The following KIAA1328 variants were observed in gnomAD, a reference collection of about 807,000 sequenced individuals.
The protein encoded by KIAA1328 is KIAA1328, also known as protein hinderin.
Under a neutral mutation model 68.1 loss-of-function variants are expected in KIAA1328, and 52 were observed. The observed-to-expected ratio is 0.76, with a 90% CI of 0.61 to 0.96. The LOEUF (loss-of-function observed/expected upper bound fraction) is 0.96. Among genes scored for constraint, KIAA1328 ranks in the 40% least tolerant of loss-of-function variants. The pLI, the probability that KIAA1328 is intolerant of heterozygous loss-of-function variation, is 0.00. For missense variants in KIAA1328, 641 were observed against 677.6 expected, an observed-to-expected ratio of 0.95 and a Z score of 0.60; for synonymous variants, 232 against 239.4, an observed-to-expected ratio of 0.97 and a Z score of 0.28.
At chr18:36,985,122 C>A (rs1347360437) in intron 6 of KIAA1328, among the ~76,000 whole-genome samples, 4 of 151,696 alleles carry the variant, frequency 2.6e-5, no homozygotes, top group Non-Finnish European at 5.9e-5. Context: ...AGCAAGACAG[C>A]CAGACCCTTT....
intron 4 of KIAA1328, among the ~76,000 whole-genome samples, chr18:36,878,917 A>T (rs1195949049): frequency 6.6e-6 from 1 of 152,184 alleles, no homozygotes; most frequent in Non-Finnish European, 1.5e-5. Flanking sequence ...CAGTTCCTGT[A>T]ACCTTTTATC....
At chr18:37,229,583 G>A, downstream of KIAA1328, 1 of 1,277,112 alleles carries the variant, frequency 7.8e-7, no homozygotes, top group Non-Finnish European at 1.0e-6. Context: ...TCTTCAAGAA[G>A]TATCAAGTCC....
chr18:37,078,007 G>A (rs2056807147), intron 7 of KIAA1328, among the ~76,000 whole-genome samples: 1 of 152,126 alleles, frequency 6.6e-6, no homozygotes, highest in African/African-American at 2.4e-5. Context: ...CCAAAAAAGA[G>A]CCCACATTGC....
chr18:37,216,557 G>A (rs1337171424), intron 9 of KIAA1328, among the ~76,000 whole-genome samples: 3 of 152,264 alleles, frequency 2.0e-5, no homozygotes, highest in Non-Finnish European at 4.4e-5. Context: ...TAACTATGTG[G>A]TCAGTTTTGG....
At chr18:36,979,767 A>G (rs554508636) in intron 6 of KIAA1328, among the ~76,000 whole-genome samples, 9 of 152,136 alleles carry the variant, frequency 5.9e-5, no homozygotes, top group Non-Finnish European at 1.2e-4. Context: ...CTCAACCCAC[A>G]TGTCACAGAT....
chr18:36,908,952 C>T lies in KIAA1328; in HGVS notation c.448+23280C>T, dbSNP rs181328540. Among the ~76,000 whole-genome samples, 28 of 152,212 alleles carry T rather than the reference C, an allele frequency of 1.8e-4. No individual in the cohort carries two copies. The East Asian group carries it at 5.4e-3, about 29-fold the overall frequency. ...TTGGAGTAAGCTTTCTTATCCTAGG[C>T]TTACTTAGTAGTGCCAGAATTGAAT... On this transcript the variant is annotated intron_variant, in intron 5 of 9. Transcript: ENST00000280020.
chr18:37,047,686 G>A lies in KIAA1328; in HGVS notation c.577-19204G>A, dbSNP rs975206014. ...GCTATGAAACTTTTTCAACTTCCTT[G>A]CCCTCACTAAAGGCAAAACTAATTC... On this transcript the variant is annotated intron_variant, in intron 6 of 9. Transcript: ENST00000280020. Among the ~76,000 whole-genome samples, 8 of 152,126 alleles carry A rather than the reference G, an allele frequency of 5.3e-5. No homozygotes were observed. The East Asian group carries it at 1.2e-3, about 22-fold the overall frequency.
intron 5 of KIAA1328, chr18:36,885,891 A>G (rs2048484591): frequency 4.0e-6 from 2 of 498,750 alleles, no homozygotes; most frequent in Admixed American, 3.9e-5. Context: ...TAATTTTCGT[A>G]TTTTTAGTAG....
At chr18:36,989,631 G>A (rs1230205615) in intron 6 of KIAA1328, among the ~76,000 whole-genome samples, 1 of 152,196 alleles carries the variant, frequency 6.6e-6, no homozygotes, top group Admixed American at 6.5e-5. Flanking sequence ...GTGCCCATGA[G>A]CCAAGGAAGA....
chr18:36,934,580 G>A (rs911874846), intron 5 of KIAA1328, among the ~76,000 whole-genome samples: 2 of 152,042 alleles, frequency 1.3e-5, no homozygotes, highest in Non-Finnish European at 2.9e-5. Context: ...TTGTCCTTGC[G>A]ATAGTTTACT....
intron 5 of KIAA1328, among the ~76,000 whole-genome samples, chr18:36,916,814 A>G (rs898800517): frequency 4.0e-5 from 6 of 151,808 alleles, no homozygotes; most frequent in African/African-American, 9.7e-5. Flanking sequence ...GAGTCTCGCT[A>G]TGTTGCCCTT....
chr18:37,008,472 A>G (rs2053859129), intron 6 of KIAA1328, among the ~76,000 whole-genome samples: 2 of 152,230 alleles, frequency 1.3e-5, no homozygotes, highest in South Asian at 4.1e-4. Flanking sequence ...GCAACATAAC[A>G]TTTTAAATGT....
At chr18:37,025,580 C>T (rs1161694894) in intron 6 of KIAA1328, among the ~76,000 whole-genome samples, 5 of 152,276 alleles carry the variant, frequency 3.3e-5, no homozygotes, top group Non-Finnish European at 7.4e-5. Flanking sequence ...CACTCAAAAC[C>T]GCTCAACTAC....
At chr18:37,021,320 G>C (rs1253078569) in intron 6 of KIAA1328, among the ~76,000 whole-genome samples, 1 of 152,148 alleles carries the variant, frequency 6.6e-6, no homozygotes, top group Admixed American at 6.5e-5. Context: ...CAATAAATCA[G>C]CCTATTCTTT....
chr18:37,024,266 G>A (rs1434880659), intron 6 of KIAA1328, among the ~76,000 whole-genome samples: 1 of 151,846 alleles, frequency 6.6e-6, no homozygotes, highest in Non-Finnish European at 1.5e-5. Context: ...CTCCCAAAAT[G>A]CTGCAATTAC....
chr18:36,898,377 T>C (rs2048930350), intron 5 of KIAA1328, among the ~76,000 whole-genome samples: 1 of 151,920 alleles, frequency 6.6e-6, no homozygotes, highest in African/African-American at 2.4e-5. Context: ...GTAAGGATGT[T>C]TGTTGCTAAA....
intron 9 of KIAA1328, among the ~76,000 whole-genome samples, chr18:37,179,416 A>C (rs2059657423): frequency 6.6e-6 from 1 of 152,150 alleles, no homozygotes; most frequent in Non-Finnish European, 1.5e-5. Flanking sequence ...TTGTGTTAAT[A>C]GTTTAGTTTG....
At chr18:37,212,516 G>A (rs954386638) in intron 9 of KIAA1328, among the ~76,000 whole-genome samples, 4 of 152,138 alleles carry the variant, frequency 2.6e-5, no homozygotes, top group Admixed American at 2.6e-4. Context: ...AAAGGTGCTA[G>A]AATATAAAGC....
intron 7 of KIAA1328, among the ~76,000 whole-genome samples, chr18:37,103,815 C>G (rs1329160962): frequency 6.7e-6 from 1 of 149,750 alleles, no homozygotes; most frequent in African/African-American, 2.5e-5. Context: ...CACACACACA[C>G]ACACACACAC....
Sources: allele counts gnomAD v4.1 joint callset (sites outside exome capture counted in the v4.1 genomes callset), GRCh38; gene constraint gnomAD v4.1.1; transcripts MANE v1.5; gene names NCBI Gene and HGNC (gene_info 2026-07-23, HGNC 2026-07-21).